The following DSG2 variants were observed in gnomAD, a reference collection of about 807,000 sequenced individuals.
DSG2 encodes the protein desmoglein-2.
In DSG2, 45 loss-of-function variants were observed where a neutral mutation model predicts 75.6. The ratio of observed to expected loss-of-function variants is 0.60; its 90% confidence interval spans 0.47 to 0.76. The LOEUF is 0.76. DSG2 is among the 30% of genes least tolerant of loss of function. The pLI is 0.00. For synonymous variants in DSG2, 429 were observed against 483.9 expected, an observed-to-expected ratio of 0.89 and a Z score of 1.49; for missense variants, 1,267 against 1,357.4, an observed-to-expected ratio of 0.93 and a Z score of 1.05.
At chr18:31,543,258 A>G (rs2073281989) in intron 14 of DSG2, 1 of 165,696 alleles carries the variant, frequency 6.0e-6, no homozygotes, top group African/African-American at 2.4e-5. Context: ...CAAAGCCTCC[A>G]CCTTTTTACA....
chr18:31,541,133 T>A, intron 12 of DSG2, 60 bp from the exon 13 acceptor site: 1 of 1,611,370 alleles, frequency 6.2e-7, no homozygotes, highest in Non-Finnish European at 8.5e-7. Context: ...AATTGTGCAA[T>A]ATAAATTTAG....
rs1325947416 is a variant in DSG2, at chr18:31,530,989, A to G, written c.1017A>G (p.Glu339=). 2.5e-5 allele frequency: 41 copies of G among 1,613,790 alleles called. No individual in the cohort carries two copies. Among genetic ancestry groups the G allele is most frequent in the Non-Finnish European group, 3.3e-5 (39 of 1,179,960 alleles). The change falls in exon 9 of 15, where the codon GAA becomes GAG. Residue 339 remains glutamate, a splice_region_variant and synonymous_variant. Coordinates refer to ENST00000261590, the MANE Select transcript of DSG2 (RefSeq NM_001943.5). The part of the protein sequence containing the change: ...TNEGIVTLIK[E]VDYEEMKNLD... ...TTCCCTTTGGTTTTCCCTTTCAGGAAGTAGATTATGAAGAAATGAAGAATC... is the reference window on the plus strand; with the variant it reads ...TTCCCTTTGGTTTTCCCTTTCAGGAGGTAGATTATGAAGAAATGAAGAATC...
intron 1 of DSG2, among the ~76,000 whole-genome samples, chr18:31,515,141 C>T (rs1457347243): frequency 1.3e-5 from 2 of 152,092 alleles, no homozygotes; most frequent in Non-Finnish European, 2.9e-5. Flanking sequence ...CTCACTCTGT[C>T]GCCCAGACTA....
chr18:31,511,230 G>C (rs1272572011), intron 1 of DSG2, among the ~76,000 whole-genome samples: 1 of 152,154 alleles, frequency 6.6e-6, no homozygotes, highest in Non-Finnish European at 1.5e-5. Context: ...ATAACACTTA[G>C]TTGTAAGGGC....
intron 5 of DSG2, among the ~76,000 whole-genome samples, chr18:31,521,871 C>T (rs138538524): frequency 5.9e-5 from 9 of 152,228 alleles, no homozygotes; most frequent in Non-Finnish European, 1.0e-4. Flanking sequence ...AGGACTCTAC[C>T]CTCAGCCTTG....
At position 31,542,717 on chromosome 18, in the gene DSG2, A is replaced by C. The variant is rs1390038150; in HGVS notation, c.2199A>C (p.Thr733=). Residue 733 remains threonine, a synonymous_variant, in exon 14 of 15, where the codon ACA becomes ACC. Transcript: ENST00000261590. ...SLLSGRATQF[T]GATGAIMTTE... The stretch of plus-strand genomic sequence containing the variant: ...TTTCTGGTAGAGCTACCCAGTTTAC[A>C]GGGGCCACAGGCGCTATCATGACCA... 1.2e-6 allele frequency: 2 copies of C among 1,614,104 alleles called. No individual in the cohort carries two copies. The highest frequency in any genetic ancestry group is 1.3e-5 in the African/African-American group (1 of 74,934).
Position 31,522,218 on chromosome 18 carries a change from T to C in DSG2, c.659T>C (p.Ile220Thr), listed in dbSNP as rs1281946102. Residue 220 changes from isoleucine to threonine, a missense_variant, in exon 6 of 15, where the codon ATT (isoleucine) becomes ACT (threonine). Physicochemically the swap from Ile to Thr is moderately conservative, Grantham distance 89. Coordinates refer to ENST00000261590, the MANE Select transcript of DSG2 (RefSeq NM_001943.5). The part of the protein sequence containing the change: ...VFYLNKDTGE[I>T]YTTSVTLDRE... ...TACCTAAATAAAGATACAGGAGAGA[T>C]TTATACAACCAGTGTTACCTTGGAC... 1.9e-6 allele frequency: 3 copies of C among 1,613,768 alleles called. No individual in the cohort carries two copies. The highest frequency in any genetic ancestry group is 2.5e-6 in the Non-Finnish European group (3 of 1,179,750).
intron 1 of DSG2, among the ~76,000 whole-genome samples, chr18:31,517,619 G>T (rs2073101393): frequency 6.6e-6 from 1 of 152,108 alleles, no homozygotes; most frequent in African/African-American, 2.4e-5. Flanking sequence ...TATTCAGAAA[G>T]CAAGATGGGA....
intron 8 of DSG2, among the ~76,000 whole-genome samples, chr18:31,528,056 A>T (rs953293113): frequency 1.3e-5 from 2 of 152,242 alleles, no homozygotes; most frequent in Non-Finnish European, 2.9e-5. Flanking sequence ...GCAATCAAAA[A>T]GATTGACAAC....
chr18:31,540,983 T>TAAGA (rs1024797707), intron 12 of DSG2, among the ~76,000 whole-genome samples: 5 of 152,180 alleles, frequency 3.3e-5, no homozygotes, highest in African/African-American at 1.2e-4. Flanking sequence ...CTTGAATCTG[T>TAAGA]AAGACTCCCT....
intron 1 of DSG2, among the ~76,000 whole-genome samples, chr18:31,499,694 T>G (rs2144280291): frequency 6.6e-6 from 1 of 152,302 alleles, no homozygotes; most frequent in South Asian, 2.1e-4. Context: ...CCTAGCTTAC[T>G]TTGAGAGTTA....
rs1290618552 is a variant in DSG2 at position 31,548,574 on chromosome 18, TACTATC to T, written c.*1833_*1838del. 6.6e-6 allele frequency: 1 copy of T among 152,206 alleles called. No individual in the cohort carries two copies. Among genetic ancestry groups the T allele is most frequent in the Non-Finnish European group, 1.5e-5 (1 of 68,028 alleles). The allele number at this position is 152,206 out of a possible 1,614,324, so 9.4% of individuals were successfully genotyped here. A position where few individuals can be genotyped will look rare whatever the true frequency, so the allele number is the denominator to read the frequency against. ...GTTGTTTCTTTTATTATTATAGACT[TACTATC>T]AGTTTTATTTTGCCAAGTATGCAAC... On this transcript the variant is annotated 3_prime_UTR_variant, in exon 15 of 15. Transcript: ENST00000261590.
chr18:31,524,302 A>G, intron 6 of DSG2, 146 bp from the exon 7 acceptor site: 11 of 1,137,958 alleles, frequency 9.7e-6, no homozygotes, highest in Non-Finnish European at 1.4e-5. Flanking sequence ...GCAAGTAAAT[A>G]GTATCTTCAC....
intron 1 of DSG2, among the ~76,000 whole-genome samples, chr18:31,503,820 G>A (rs73416210): frequency 0.016 from 2,375 of 152,188 alleles, 64 homozygotes; most frequent in African/African-American, 0.054. Context: ...GGGGTGGGAA[G>A]GCATTTTGGT....
At chr18:31,508,955 G>A (rs1042518883) in intron 1 of DSG2, among the ~76,000 whole-genome samples, 1 of 152,044 alleles carries the variant, frequency 6.6e-6, no homozygotes, top group Non-Finnish European at 1.5e-5. Context: ...CTCTAAGGCG[G>A]GACTCAGTAA....
In DSG2 at chr18:31,536,332, G is replaced by A. The variant is rs2144341754; in HGVS notation, c.1554G>A (p.Glu518=). The change falls in exon 11 of 15, where the codon GAG becomes GAA. Residue 518 remains glutamate, a synonymous_variant. Transcript: ENST00000261590. ...HDAEYVNVTA[E]DLDGHPNSGP... ...CAGAGTATGTGAATGTTACTGCAGA[G>A]GACCTGGATGGACACCCAAACAGTG... The A allele has an allele frequency of 1.2e-6, 2 of 1,614,208 alleles. No individual in the cohort carries two copies. Among genetic ancestry groups the A allele is most frequent in the Non-Finnish European group, 8.5e-7 (1 of 1,180,046 alleles).
At chr18:31,500,210 C>T (rs1227996538) in intron 1 of DSG2, among the ~76,000 whole-genome samples, 1 of 152,128 alleles carries the variant, frequency 6.6e-6, no homozygotes, top group Non-Finnish European at 1.5e-5. Context: ...TATTTCGGGG[C>T]ACTAAACTGA....
intron 1 of DSG2, among the ~76,000 whole-genome samples, chr18:31,505,660 TTTTTTTTTTTTC>T (rs1257698466): frequency 6.6e-6 from 1 of 151,088 alleles, no homozygotes; most frequent in Non-Finnish European, 1.5e-5. Context: ...TTTTTTCTTT[TTTTTTTTTTTTC>T]TTTTTTTTGA....
chr18:31,542,920 T>G (rs1598824391), intron 14 of DSG2, 68 bp downstream of exon 14: 4 of 1,101,896 alleles, frequency 3.6e-6, no homozygotes, highest in Non-Finnish European at 3.7e-6. Context: ...TGTGATATTA[T>G]TAGGGTAATC....
Sources: allele counts gnomAD v4.1 joint callset (sites outside exome capture counted in the v4.1 genomes callset), GRCh38; gene constraint gnomAD v4.1.1; transcripts MANE v1.5; gene names NCBI Gene and HGNC (gene_info 2026-07-23, HGNC 2026-07-21).